The following RBM19 variants were observed in gnomAD, a reference collection of about 807,000 sequenced individuals.
RBM19 encodes the protein RNA binding motif protein 19.
Under a neutral mutation model 116.8 loss-of-function variants are expected in RBM19, and 94 were observed. The ratio of observed to expected loss-of-function variants is 0.80; its 90% CI spans 0.68 to 0.95. The LOEUF (loss-of-function observed/expected upper bound fraction) is 0.95, where lower values mean the gene tolerates loss of function less well. RBM19 is among the 40% of genes least tolerant of loss of function. The probability of loss-of-function intolerance (pLI) is 0.00; values close to 1 mark genes in which losing one functional copy is unlikely to be tolerated. For synonymous variants in RBM19, 475 were observed against 494.1 expected, an observed-to-expected ratio of 0.96 and a Z score of 0.51; for missense variants, 1,161 against 1,220.7, an observed-to-expected ratio of 0.95 and a Z score of 0.73.
intron 23 of RBM19, among the ~76,000 whole-genome samples, chr12:113,824,234 G>GA (rs1364379039): frequency 6.6e-6 from 1 of 152,190 alleles, no homozygotes; most frequent in Non-Finnish European, 1.5e-5. Flanking sequence ...AGGCAGGTCT[G>GA]AAGTCACTCA....
intron 23 of RBM19, among the ~76,000 whole-genome samples, chr12:113,834,986 C>T: frequency 6.6e-6 from 1 of 152,160 alleles, no homozygotes; most frequent in Admixed American, 6.5e-5. Flanking sequence ...TCCTTTCCCT[C>T]TGATTTGATC....
At chr12:113,893,177 A>G (rs977513277) in intron 21 of RBM19, among the ~76,000 whole-genome samples, 2 of 152,052 alleles carry the variant, frequency 1.3e-5, no homozygotes, top group African/African-American at 4.8e-5. Flanking sequence ...CACTACAGAC[A>G]CATGCCACCA....
chr12:113,910,711 C>T (rs542744831), intron 21 of RBM19, among the ~76,000 whole-genome samples: 1 of 152,204 alleles, frequency 6.6e-6, no homozygotes, highest in Non-Finnish European at 1.5e-5. Context: ...CGAACTGATA[C>T]AAAGACTGCG....
intron 21 of RBM19, among the ~76,000 whole-genome samples, chr12:113,889,324 G>A (rs369136994): frequency 3.9e-5 from 6 of 152,170 alleles, no homozygotes; most frequent in South Asian, 2.1e-4. Flanking sequence ...CACATCCCGA[G>A]CTGCAGTTCC....
In RBM19 at chr12:113,875,816, C is replaced by T. The variant is rs550622078; in HGVS notation, c.2559-16920G>A. On this transcript the variant is annotated intron_variant, in intron 21 of 23. Coordinates refer to ENST00000261741, the MANE Select transcript of RBM19 (RefSeq NM_016196.4). ...AAGTCAATGATCGTGTCTCTGGCGA[C>T]GCACAAAGCCCAGGATGTGCTTCAT... 1.1e-4 allele frequency among the ~76,000 whole-genome samples: 16 copies of T among 152,324 alleles called. No homozygotes were observed. The South Asian group carries it at 1.7e-3, about 16-fold the overall frequency.
intron 7 of RBM19, among the ~76,000 whole-genome samples, chr12:113,954,652 A>G (rs1871755161): frequency 6.6e-6 from 1 of 152,226 alleles, no homozygotes; most frequent in African/African-American, 2.4e-5. Flanking sequence ...AAGAACGAAA[A>G]TTAAGTGTTC....
At chr12:113,880,736 C>T (rs541447879) in intron 21 of RBM19, among the ~76,000 whole-genome samples, 19 of 152,076 alleles carry the variant, frequency 1.2e-4, no homozygotes, top group Non-Finnish European at 2.2e-4. Context: ...AACAAGCCTG[C>T]GTCACGTGAC....
chr12:113,905,474 T>C (rs1483262109), intron 21 of RBM19, among the ~76,000 whole-genome samples: 3 of 152,140 alleles, frequency 2.0e-5, no homozygotes, highest in African/African-American at 7.2e-5. Context: ...CATACCTTGA[T>C]GTGAAGGGTC....
intron 22 of RBM19, among the ~76,000 whole-genome samples, chr12:113,854,918 T>C (rs1291146933): frequency 2.6e-5 from 4 of 152,310 alleles, no homozygotes; most frequent in Middle Eastern, 6.8e-3. Context: ...GAATGTCACA[T>C]ACAAAGCCAG....
chr12:113,844,760 G>A lies in RBM19; in HGVS notation c.2693C>T (p.Thr898Ile). 6.2e-7 allele frequency: 1 copy of A among 1,613,400 alleles called. No individual in the cohort carries two copies. Residue 898 changes from threonine (T) to isoleucine (I), a missense_variant, in exon 23 of 24, where the codon ACC (threonine) becomes ATC (isoleucine). Transcript: ENST00000261741. ...CACCAGCCTCCGCCCGTACAAGTGG[G>A]TGCTGTGACACAGGGCGTTGAAGGC... The part of the protein sequence containing the change: ...KRAFNALCHS[T>I]HLYGRRLVLE...
intron 21 of RBM19, among the ~76,000 whole-genome samples, chr12:113,869,699 G>T (rs139108385): frequency 1.9e-4 from 29 of 152,170 alleles, no homozygotes; most frequent in African/African-American, 7.0e-4. Flanking sequence ...GTGAAAAGAG[G>T]AAGGACAAAA....
chr12:113,947,482 G>A lies in RBM19; in HGVS notation c.1277-18C>T. On this transcript the variant is annotated intron_variant, in intron 10 of 23. Transcript: ENST00000261741. The stretch of plus-strand genomic sequence containing the variant: ...CAGGGGACCTGAGGACAGGAGAAGT[G>A]TCGGTCTCTGGTAGGCCGCAGCCAC... The A allele has an allele frequency of 6.3e-7, 1 of 1,583,280 alleles. No individual in the cohort carries two copies. The highest frequency in any genetic ancestry group is 8.7e-7 in the Non-Finnish European group (1 of 1,155,890).
rs1231128801 is a variant in RBM19, at chr12:113,927,203, C to T, written c.2095G>A (p.Glu699Lys). 6.4e-7 allele frequency: 1 copy of T among 1,570,632 alleles called. No homozygotes were observed. Among genetic ancestry groups the T allele is most frequent in the Admixed American group, 1.9e-5 (1 of 52,720 alleles). ...TCTGCTCCTTCCTCTGTTGGATTTT[C>T]ATCTTCTGGGGTTTCGCCATCAGGC... ...TVPDGETPED[E>K]NPTEEGADNS... Residue 699 changes from glutamate to lysine, a missense_variant, in exon 17 of 24, where the codon GAA (glutamate) becomes AAA (lysine). Transcript: ENST00000261741.
chr12:113,965,607 C>G (rs1453150546), intron 1 of RBM19, among the ~76,000 whole-genome samples: 3 of 152,214 alleles, frequency 2.0e-5, no homozygotes, highest in Non-Finnish European at 4.4e-5. Context: ...TCTAATATTA[C>G]GTACATTCAC....
At position 113,941,651 on chromosome 12, in the gene RBM19, C is replaced by CTCCA. The variant is rs548473938; in HGVS notation, c.1737+669_1737+672dup. On this transcript the variant is annotated intron_variant, in intron 14 of 23. Coordinates refer to ENST00000261741, the MANE Select transcript of RBM19 (RefSeq NM_016196.4). ...CATTCATCCACCATCCATATTCATC[C>CTCCA]TCCATCCATCCATCCATCCATCCAT... 2.4e-3 allele frequency among the ~76,000 whole-genome samples: 356 copies of CTCCA among 146,660 alleles called. 1 individual carries two copies. Among genetic ancestry groups the CTCCA allele is most frequent in the African/African-American group, 3.1e-3 (114 of 36,944 alleles).
Position 113,959,123 on chromosome 12 carries a change from G to C in RBM19, c.571+89C>G, listed in dbSNP as rs1032066401. ...AGCTCAAGGGCTCACCTGACTCCTA[G>C]AGTCTGCACAGAGGGGCCCCCAGTG... On this transcript the variant is annotated intron_variant, in intron 5 of 23. Transcript: ENST00000261741. 1.9e-5 allele frequency: 27 copies of C among 1,435,360 alleles called. No homozygotes were observed. In the Admixed American group the frequency reaches 5.4e-4, roughly 29 times the overall value. The allele number at this position is 1,435,360 out of a possible 1,614,324, so 88.9% of individuals were successfully genotyped here. A position where few individuals can be genotyped will look rare whatever the true frequency, so the allele number is the denominator to read the frequency against.
At chr12:113,926,876 C>T (rs16943412) in intron 17 of RBM19, among the ~76,000 whole-genome samples, 178 bp downstream of exon 17, 18,744 of 152,246 alleles carry the variant, frequency 0.12, 1,442 homozygotes, top group African/African-American at 0.2. Context: ...TCTAGTCTTC[C>T]GTTGAGTCAT....
chr12:113,899,532 G>GT (rs1881547587), intron 21 of RBM19, among the ~76,000 whole-genome samples: 1 of 152,186 alleles, frequency 6.6e-6, no homozygotes, highest in Non-Finnish European at 1.5e-5. Flanking sequence ...TACCCTGAGG[G>GT]TTTTAATGGG....
At chr12:113,890,752 A>T (rs1193448143) in intron 21 of RBM19, among the ~76,000 whole-genome samples, 1 of 152,204 alleles carries the variant, frequency 6.6e-6, no homozygotes, top group Non-Finnish European at 1.5e-5. Flanking sequence ...CTCCCAAGGG[A>T]TGCTGTGTGC....
Sources: gnomAD v4.1 joint callset for allele counts (sites outside exome capture counted in the v4.1 genomes callset) on GRCh38, gnomAD v4.1.1 for gene constraint, MANE v1.5 for transcripts, NCBI Gene and HGNC (gene_info 2026-07-23, HGNC 2026-07-21) for gene names.